ZNF410: variants seen among roughly 807,000 people sequenced by gnomAD.
ZNF410 encodes the protein zinc finger protein 410, also known as another partner for ARF 1.
ZNF410 carries 18 observed loss-of-function variants against 54.8 expected under a neutral mutation model. That is an observed-to-expected ratio of 0.33 (90% CI 0.23 to 0.49). ZNF410 has a LOEUF of 0.49. ZNF410 is among the 20% of genes least tolerant of loss of function. The pLI is 0.99. For missense variants in ZNF410, 405 were observed against 569.6 expected, an observed-to-expected ratio of 0.71 and a Z score of 2.94; for synonymous variants, 191 against 207.3, an observed-to-expected ratio of 0.92 and a Z score of 0.68.
chr14:73,888,728 C>T (rs953991622), intron 1 of ZNF410, among the ~76,000 whole-genome samples: 5 of 152,080 alleles, frequency 3.3e-5, no homozygotes, highest in South Asian at 2.1e-4. Context: ...GTGTATTTGC[C>T]GTTACACCTA....
chr14:73,899,367 C>T (rs2055372000), intron 5 of ZNF410, among the ~76,000 whole-genome samples: 1 of 151,792 alleles, frequency 6.6e-6, no homozygotes, highest in Non-Finnish European at 1.5e-5. Flanking sequence ...CTCTGGCTCC[C>T]TAAGTGCTGG....
chr14:73,887,663 AAAT>A (rs2055164923), intron 1 of ZNF410, among the ~76,000 whole-genome samples: 1 of 152,236 alleles, frequency 6.6e-6, no homozygotes, highest in Non-Finnish European at 1.5e-5. Flanking sequence ...TATTTGCAAT[AAAT>A]AAAAAACATT....
chr14:73,931,913 C>G lies in ZNF410; in HGVS notation c.*372C>G, dbSNP rs914031362. On this transcript the variant is annotated 3_prime_UTR_variant, in exon 12 of 12. Coordinates refer to ENST00000555044, the MANE Select transcript of ZNF410 (RefSeq NM_021188.3). ...TTCATCCCAGACTCAGCTGTCTTTTCACATGGATGAAATAATTCCTGCTAC... is the reference window on the plus strand; with the variant it reads ...TTCATCCCAGACTCAGCTGTCTTTTGACATGGATGAAATAATTCCTGCTAC... 17 of 457,084 alleles carry G rather than the reference C, an allele frequency of 3.7e-5. No individual in the cohort carries two copies. Among genetic ancestry groups the G allele is most frequent in the Non-Finnish European group, 7.5e-5 (17 of 227,508 alleles). 28.3% of individuals were successfully genotyped at this position (457,084 alleles called of 1,614,324 possible). A position where few individuals can be genotyped will look rare whatever the true frequency, so the allele number is the denominator to read the frequency against.
chr14:73,927,475 C>G (rs2055850541), intron 11 of ZNF410, among the ~76,000 whole-genome samples: 1 of 152,162 alleles, frequency 6.6e-6, no homozygotes, highest in Non-Finnish European at 1.5e-5. Flanking sequence ...TTTTCTTTTA[C>G]CTAGTACACA....
At position 73,923,513 on chromosome 14, in the gene ZNF410, T is replaced by C; in HGVS notation, c.1389T>C (p.Asn463=). The C allele has an allele frequency of 1.9e-6, 3 of 1,612,788 alleles. No homozygotes were observed. Among genetic ancestry groups the C allele is most frequent in the Non-Finnish European group, 2.5e-6 (3 of 1,179,454 alleles). The change falls in exon 11 of 12, where the codon AAT becomes AAC. Residue 463 remains asparagine, a synonymous_variant. Coordinates refer to ENST00000555044, the MANE Select transcript of ZNF410 (RefSeq NM_021188.3). ...AAGTTTCTGTCTTAACTGCAGTAAA[T>C]CCACAAGAGGTAAAGTGGTCTCTTG... ...SYEVSVLTAV[N]PQELLNQGDL...
Position 73,932,088 on chromosome 14 carries a change from G to A in ZNF410, c.*547G>A, listed in dbSNP as rs1594773367. On this transcript the variant is annotated 3_prime_UTR_variant, in exon 12 of 12. Transcript: ENST00000555044. ...TGGGCTGCAAAAAAATAAATTACTTGAATCTCCCCTTGGCCCAGGCTGAGG... is the reference window on the plus strand; with the variant it reads ...TGGGCTGCAAAAAAATAAATTACTTAAATCTCCCCTTGGCCCAGGCTGAGG... 7 of 453,528 alleles carry A rather than the reference G, an allele frequency of 1.5e-5. No individual in the cohort carries two copies. The Admixed American group carries it at 1.7e-4, about 11-fold the overall frequency. The allele number at this position is 453,528 out of a possible 1,614,324, so 28.1% of individuals were successfully genotyped here.
chr14:73,889,441 AAAAAAAAAAAAAGAAAT>A (rs1388827471), intron 1 of ZNF410, among the ~76,000 whole-genome samples: 2 of 151,706 alleles, frequency 1.3e-5, no homozygotes, highest in African/African-American at 4.8e-5. Context: ...CAAAAAAAAA[AAAAAAAAAAAAAGAAAT>A]AGGGTCTCAC....
At chr14:73,899,730 C>T (rs528540096) in intron 5 of ZNF410, among the ~76,000 whole-genome samples, 1 of 152,140 alleles carries the variant, frequency 6.6e-6, no homozygotes, top group Non-Finnish European at 1.5e-5. Flanking sequence ...AATTTTCTTA[C>T]GATCTGAACA....
chr14:73,894,031 G>A (rs1305911058), intron 3 of ZNF410, 99 bp downstream of exon 3: 25 of 1,433,604 alleles, frequency 1.7e-5, no homozygotes, highest in Non-Finnish European at 2.3e-5. Context: ...ATAACTGACT[G>A]GTGGAAACTG....
chr14:73,899,922 A>G (rs1475807959), intron 5 of ZNF410, among the ~76,000 whole-genome samples: 2 of 152,102 alleles, frequency 1.3e-5, no homozygotes, highest in African/African-American at 4.8e-5. Flanking sequence ...TAGGCTGGGC[A>G]TTGTGGCTCA....
At position 73,904,883 on chromosome 14, in the gene ZNF410, T is replaced by C. The variant is rs563791169; in HGVS notation, c.732-19T>C. On this transcript the variant is annotated intron_variant, in intron 6 of 11. Coordinates refer to ENST00000555044, the MANE Select transcript of ZNF410 (RefSeq NM_021188.3). ...AAGAGTGTTTTCAGATATTTTTCCT[T>C]ATGTGATTATTTTTGCAGAAATGAC... is the stretch of plus-strand genomic sequence containing the variant. 1.2e-5 allele frequency: 19 copies of C among 1,610,970 alleles called. No individual in the cohort carries two copies. In the South Asian group the frequency reaches 1.7e-4, roughly 14 times the overall value.
intron 1 of ZNF410, among the ~76,000 whole-genome samples, chr14:73,889,531 A>G (rs2055193400): frequency 6.6e-6 from 1 of 151,654 alleles, no homozygotes; most frequent in African/African-American, 2.4e-5. Context: ...AAACCTAGAG[A>G]GATGTAATCA....
intron 5 of ZNF410, among the ~76,000 whole-genome samples, chr14:73,903,256 G>A (rs564619820): frequency 1.3e-5 from 2 of 152,226 alleles, no homozygotes; most frequent in East Asian, 1.9e-4. Flanking sequence ...TTATTACTCA[G>A]AACTTTGTCA....
chr14:73,900,591 T>C lies in ZNF410; in HGVS notation c.580+2329T>C, dbSNP rs530718198. Among the ~76,000 whole-genome samples, 8 of 152,190 alleles carry C rather than the reference T, an allele frequency of 5.3e-5. No homozygotes were observed. In the East Asian group the frequency reaches 9.7e-4, roughly 18 times the overall value. On this transcript the variant is annotated intron_variant, in intron 5 of 11. Coordinates refer to ENST00000555044, the MANE Select transcript of ZNF410 (RefSeq NM_021188.3). ...GTTTCACCGTGTTGGCCATGGCTGG[T>C]CTCAAACTCCTGACCCAAGGTGATC...
intron 11 of ZNF410, among the ~76,000 whole-genome samples, chr14:73,923,923 A>AC (rs530377909): frequency 1.2e-3 from 185 of 152,290 alleles, no homozygotes; most frequent in South Asian, 6.4e-3. Flanking sequence ...AAATTTCTGT[A>AC]CCAGACAGGA....
chr14:73,889,763 G>T (rs1274598663), intron 1 of ZNF410, among the ~76,000 whole-genome samples: 1 of 151,592 alleles, frequency 6.6e-6, no homozygotes, highest in Non-Finnish European at 1.5e-5. Context: ...AACTTGGAAG[G>T]AGCATTTCCA....
chr14:73,915,301 T>C (rs1204152751), intron 8 of ZNF410, among the ~76,000 whole-genome samples: 1 of 151,742 alleles, frequency 6.6e-6, no homozygotes, highest in East Asian at 2.0e-4. Flanking sequence ...TCCTTGTCTT[T>C]TTCCCAGTCT....
chr14:73,904,036 C>T lies in ZNF410; in HGVS notation c.657C>T (p.Leu219=), dbSNP rs372362861. Residue 219 remains leucine, a synonymous_variant, in exon 6 of 12, where the codon CTC becomes CTT. Transcript: ENST00000555044. ...SGPLPQVEKK[L]KCTVEGCDRT... ...CCCTTCCTCAAGTGGAAAAGAAGCT[C>T]AAGTGTACAGTTGAAGGTTGTGACC... The T allele has an allele frequency of 3.1e-6, 5 of 1,614,174 alleles. No individual in the cohort carries two copies. The highest frequency in any genetic ancestry group is 4.2e-6 in the Non-Finnish European group (5 of 1,180,044).
intron 5 of ZNF410, among the ~76,000 whole-genome samples, chr14:73,903,253 T>G (rs948050796): frequency 1.3e-5 from 2 of 152,144 alleles, no homozygotes; most frequent in African/African-American, 4.8e-5. Context: ...TTTTTATTAC[T>G]CAGAACTTTG....
Sources: gnomAD v4.1 joint callset for allele counts (sites outside exome capture counted in the v4.1 genomes callset) on GRCh38, gnomAD v4.1.1 for gene constraint, MANE v1.5 for transcripts, NCBI Gene and HGNC (gene_info 2026-07-23, HGNC 2026-07-21) for gene names.